Variants in NME7 observed in about 807,000 individuals in gnomAD.
The protein encoded by NME7 is NME/NM23 family member 7.
In NME7, 41 loss-of-function variants were observed where a neutral mutation model predicts 49.1. That is an observed-to-expected ratio of 0.83 (90% CI 0.65 to 1.08). The LOEUF is 1.08. Ranked by LOEUF, NME7 falls within the 50% of genes least tolerant of loss-of-function variation. The probability of loss-of-function intolerance (pLI) is 0.00; values close to 1 mark genes in which losing one functional copy is unlikely to be tolerated. For synonymous variants in NME7, 139 were observed against 150.6 expected (o/e 0.92, Z 0.56); for missense variants, 423 against 463.4 (o/e 0.91, Z 0.80).
intron 10 of NME7, among the ~76,000 whole-genome samples, chr1:169,222,377 T>A (rs1303262050): frequency 6.6e-6 from 1 of 152,146 alleles, no homozygotes; most frequent in African/African-American, 2.4e-5. Flanking sequence ...AATGCATGAA[T>A]GATTGAAGGG....
intron 1 of NME7, among the ~76,000 whole-genome samples, chr1:169,349,652 T>C (rs1337739263): frequency 6.6e-6 from 1 of 152,088 alleles, no homozygotes; most frequent in Non-Finnish European, 1.5e-5. Context: ...GTCTATTTAG[T>C]GTGTGTGTGT....
intron 7 of NME7, among the ~76,000 whole-genome samples, chr1:169,250,589 AT>A (rs372016451): frequency 6.6e-6 from 1 of 151,906 alleles, no homozygotes; most frequent in East Asian, 1.9e-4. Context: ...CATCTTTCAG[AT>A]TTTTTAATGT....
intron 1 of NME7, among the ~76,000 whole-genome samples, chr1:169,339,701 A>T (rs1652612154): frequency 6.6e-6 from 1 of 152,186 alleles, no homozygotes; most frequent in Non-Finnish European, 1.5e-5. Flanking sequence ...TTGTCTCTCC[A>T]GACCTTCACT....
rs377172965 is a variant in NME7 at position 169,328,212 on chromosome 1, T to C, written c.4-3712A>G. Among the ~76,000 whole-genome samples, 5 of 152,260 alleles carry C rather than the reference T, an allele frequency of 3.3e-5. No homozygotes were observed. The South Asian group carries it at 1.0e-3, about 32-fold the overall frequency. On this transcript the variant is annotated intron_variant, in intron 1 of 11. Coordinates refer to ENST00000367811, the MANE Select transcript of NME7 (RefSeq NM_013330.5). ...AGGGGTTTTTTGGAGGGGGGGATTATGGAGGAATATTTGTGAGAGTCCAAA... is the reference window on the plus strand; with the variant it reads ...AGGGGTTTTTTGGAGGGGGGGATTACGGAGGAATATTTGTGAGAGTCCAAA...
intron 1 of NME7, among the ~76,000 whole-genome samples, chr1:169,333,422 A>G (rs1171278637): frequency 2.8e-4 from 43 of 152,200 alleles, no homozygotes; most frequent in Admixed American, 2.8e-3. Flanking sequence ...GGGTGACTGT[A>G]GCCAATAATA....
intron 3 of NME7, among the ~76,000 whole-genome samples, chr1:169,318,384 G>A (rs535402726): frequency 6.6e-6 from 1 of 152,134 alleles, no homozygotes; most frequent in South Asian, 2.1e-4. Context: ...GTTTTAAGGA[G>A]GAATGTAAAA....
intron 5 of NME7, chr1:169,302,486 A>C (rs1481467276): frequency 6.6e-6 from 1 of 152,188 alleles, no homozygotes; most frequent in Non-Finnish European, 1.5e-5. Context: ...CCATTATCCT[A>C]AGCAAATTAA....
At chr1:169,142,058 A>C (rs918409148) in intron 11 of NME7, among the ~76,000 whole-genome samples, 2 of 152,192 alleles carry the variant, frequency 1.3e-5, no homozygotes, top group Admixed American at 6.5e-5. Context: ...TAGGAGGAGA[A>C]GCTGGGGATT....
At chr1:169,367,611 A>G in intron 1 of NME7, 97 bp downstream of exon 1, 2 of 1,356,748 alleles carry the variant, frequency 1.5e-6, no homozygotes, top group Non-Finnish European at 1.1e-6. Flanking sequence ...GAAGGTCGGG[A>G]GGACCGGACA....
intron 4 of NME7, among the ~76,000 whole-genome samples, chr1:169,305,474 A>C (rs1238635297): frequency 6.6e-6 from 1 of 152,230 alleles, no homozygotes; most frequent in Non-Finnish European, 1.5e-5. Flanking sequence ...TTTAGAAAAG[A>C]TGCATACATT....
At chr1:169,200,966 C>G (rs1239506386) in intron 10 of NME7, among the ~76,000 whole-genome samples, 1 of 152,046 alleles carries the variant, frequency 6.6e-6, no homozygotes, top group Admixed American at 6.6e-5. Context: ...TGCCATGGCT[C>G]ACATCTGTAA....
intron 11 of NME7, among the ~76,000 whole-genome samples, chr1:169,167,358 TAA>T (rs1423428574): frequency 6.6e-6 from 1 of 152,116 alleles, no homozygotes; most frequent in Non-Finnish European, 1.5e-5. Context: ...AATTTTTTTT[TAA>T]AAGACTAATA....
At chr1:169,192,573 C>T (rs889099334) in intron 10 of NME7, among the ~76,000 whole-genome samples, 4 of 152,086 alleles carry the variant, frequency 2.6e-5, no homozygotes, top group African/African-American at 9.7e-5. Flanking sequence ...CAATCTCCCT[C>T]AAATACCGAG....
intron 11 of NME7, among the ~76,000 whole-genome samples, chr1:169,160,179 C>T (rs935931469): frequency 6.6e-6 from 1 of 152,136 alleles, no homozygotes; most frequent in African/African-American, 2.4e-5. Context: ...GGTCCCTTGG[C>T]CCATCTACTT....
At chr1:169,318,194 G>C (rs1651725880) in intron 3 of NME7, among the ~76,000 whole-genome samples, 1 of 152,170 alleles carries the variant, frequency 6.6e-6, no homozygotes, top group South Asian at 2.1e-4. Flanking sequence ...GTAAGGGATA[G>C]AGGAAATAGG....
At chr1:169,156,105 C>T (rs1465167400) in intron 11 of NME7, among the ~76,000 whole-genome samples, 1 of 148,092 alleles carries the variant, frequency 6.8e-6, no homozygotes, top group Non-Finnish European at 1.5e-5. Context: ...ATTGCTTGAG[C>T]CCAGGAGTTC....
intron 3 of NME7, among the ~76,000 whole-genome samples, chr1:169,312,563 C>T (rs1294895614): frequency 6.6e-6 from 1 of 152,198 alleles, no homozygotes; most frequent in Non-Finnish European, 1.5e-5. Flanking sequence ...GTAACTACTT[C>T]TTGTGAAAAA....
intron 10 of NME7, among the ~76,000 whole-genome samples, chr1:169,229,209 C>T (rs1169309503): frequency 6.6e-6 from 1 of 152,222 alleles, no homozygotes; most frequent in Non-Finnish European, 1.5e-5. Flanking sequence ...GAATTCTCTA[C>T]CATATTTCCT....
At chr1:169,357,488 A>G (rs1653505989) in intron 1 of NME7, among the ~76,000 whole-genome samples, 1 of 152,076 alleles carries the variant, frequency 6.6e-6, no homozygotes, top group Admixed American at 6.6e-5. Context: ...CATCAGGCCA[A>G]TACTAATTTT....
Sources: gnomAD v4.1 joint callset for allele counts (sites outside exome capture counted in the v4.1 genomes callset) on GRCh38, gnomAD v4.1.1 for gene constraint, MANE v1.5 for transcripts, NCBI Gene and HGNC (gene_info 2026-07-23, HGNC 2026-07-21) for gene names.